The following ALDH9A1 variants were observed in gnomAD, a reference collection of about 807,000 sequenced individuals.
ALDH9A1 encodes the protein 4-trimethylaminobutyraldehyde dehydrogenase.
ALDH9A1 carries 42 observed loss-of-function variants against 56.6 expected under a neutral mutation model. The observed-to-expected ratio is 0.74, with a 90% CI of 0.58 to 0.96. The LOEUF is 0.96. Among genes scored for constraint, ALDH9A1 ranks in the 40% least tolerant of loss-of-function variants. The pLI is 0.00. For missense variants in ALDH9A1, 661 were observed against 651.5 expected, an observed-to-expected ratio of 1.01 and a Z score of -0.16; for synonymous variants, 242 against 236.0, an observed-to-expected ratio of 1.03 and a Z score of -0.23.
intron 2 of ALDH9A1, among the ~76,000 whole-genome samples, chr1:165,687,501 C>A (rs1040135250): frequency 2.6e-5 from 4 of 151,866 alleles, no homozygotes; most frequent in African/African-American, 9.7e-5. Context: ...ACATTACATA[C>A]AAAGATACAA....
chr1:165,679,432 AGGTACATACCT>A lies in ALDH9A1; in HGVS notation c.929_930+9del, dbSNP rs1421838133. Reference sequence around the variant, plus strand: ...TTCCTTTTACACCTCTTCCAGGGACAGGTACATACCTGGCCTTGTGTGAGGAAGTTGGCCAT... The same window carrying A: ...TTCCTTTTACACCTCTTCCAGGGACAGGCCTTGTGTGAGGAAGTTGGCCAT... On this transcript the variant is annotated splice_donor_variant and splice_donor_5th_base_variant and coding_sequence_variant and intron_variant, in exon 6 of 11. Coordinates refer to ENST00000354775, the MANE Select transcript of ALDH9A1 (RefSeq NM_000696.4). LOFTEE classifies it high-confidence loss of function. 1 of 1,613,958 alleles carries A rather than the reference AGGTACATACCT, an allele frequency of 6.2e-7. No individual in the cohort carries two copies. Among genetic ancestry groups the A allele is most frequent in the Admixed American group, 1.7e-5 (1 of 60,016 alleles).
intron 2 of ALDH9A1, among the ~76,000 whole-genome samples, chr1:165,690,624 C>T (rs4274037): frequency 0.12 from 18,642 of 152,160 alleles, 1,477 homozygotes; most frequent in Non-Finnish European, 0.17. Context: ...GAAGCCGTGA[C>T]AGATGGTACC....
chr1:165,675,731 T>C (rs61800420), intron 6 of ALDH9A1, among the ~76,000 whole-genome samples: 62,170 of 152,040 alleles, frequency 0.41, 12,998 homozygotes, highest in Middle Eastern at 0.51. Flanking sequence ...AACAAATGAA[T>C]CTGTTATTTT....
intron 5 of ALDH9A1, among the ~76,000 whole-genome samples, chr1:165,680,096 G>A (rs1287707053): frequency 2.0e-5 from 3 of 152,168 alleles, no homozygotes; most frequent in African/African-American, 7.2e-5. Context: ...CTGTGTTTAA[G>A]GCTGACAGAG....
At chr1:165,682,004 T>A in intron 4 of ALDH9A1, 103 bp downstream of exon 4, 1 of 1,476,204 alleles carries the variant, frequency 6.8e-7, no homozygotes, top group South Asian at 1.3e-5. Flanking sequence ...CCCCTTCCGA[T>A]TTAAAGTGTG....
chr1:165,683,173 C>A, intron 2 of ALDH9A1, 63 bp from the exon 3 acceptor site: 1 of 1,532,604 alleles, frequency 6.5e-7, no homozygotes. Context: ...GTAATTAATG[C>A]TTAAATAGAA....
rs1241126813 is a variant in ALDH9A1, at chr1:165,698,538, C to T, written c.21G>A (p.Leu7=). ...TGCGAAGAAGCGGGGAGAGCGCGGC[C>T]AGGCCTGCTCGGAGAAACATGAGTG... MFLRAG[L]AALSPLLRSL... The change falls in exon 1 of 11, where the codon CTG becomes CTA. Residue 7 remains leucine, a synonymous_variant. Transcript: ENST00000354775. 1 of 1,608,258 alleles carries T rather than the reference C, an allele frequency of 6.2e-7. No individual in the cohort carries two copies. The highest frequency in any genetic ancestry group is 1.1e-5 in the South Asian group (1 of 90,480).
intron 3 of ALDH9A1, 50 bp from the exon 4 acceptor site, chr1:165,682,291 A>G: frequency 1.3e-6 from 2 of 1,589,232 alleles, no homozygotes; most frequent in African/African-American, 1.3e-5. Context: ...GCTCCCCAAG[A>G]TTTCACCAAC....
In ALDH9A1 at chr1:165,698,469, G is replaced by A. The variant is rs2101763636; in HGVS notation, c.90C>T (p.Phe30=). 6.2e-7 allele frequency: 1 copy of A among 1,608,354 alleles called. No individual in the cohort carries two copies. The highest frequency in any genetic ancestry group is 2.2e-5 in the East Asian group (1 of 44,464). The change falls in exon 1 of 11, where the codon TTC becomes TTT. Residue 30 remains phenylalanine (F), a synonymous_variant. Coordinates refer to ENST00000354775, the MANE Select transcript of ALDH9A1 (RefSeq NM_000696.4). ...GGTAATTGAGCGGCTGCGACACGAC[G>A]AAGGTGCCAGTGCTCATGGCGGCGA... ...SPVAAMSTGT[F]VVSQPLNYRG...
chr1:165,690,251 C>T (rs955130509), intron 2 of ALDH9A1, among the ~76,000 whole-genome samples: 1 of 150,744 alleles, frequency 6.6e-6, no homozygotes, highest in Non-Finnish European at 1.5e-5. Flanking sequence ...TACACACACA[C>T]TCTTGAAAGC....
chr1:165,689,139 C>T (rs185078834), intron 2 of ALDH9A1, among the ~76,000 whole-genome samples: 6 of 152,258 alleles, frequency 3.9e-5, no homozygotes, highest in Admixed American at 3.9e-4. Context: ...AAATTATCTG[C>T]TTTGAGTTAT....
intron 6 of ALDH9A1, among the ~76,000 whole-genome samples, chr1:165,675,117 C>G (rs961715106): frequency 1.3e-5 from 2 of 152,122 alleles, no homozygotes; most frequent in African/African-American, 4.8e-5. Context: ...ATCGCTTGAG[C>G]TCCAGGGGCG....
At chr1:165,669,215 G>A (rs768745849) in intron 7 of ALDH9A1, 47 bp downstream of exon 7, 2 of 1,505,218 alleles carry the variant, frequency 1.3e-6, no homozygotes, top group African/African-American at 2.8e-5. Context: ...TGATTTAGGA[G>A]TAGTATAATC....
chr1:165,674,315 T>TAAAAAAAAAA (rs56088658), intron 6 of ALDH9A1, among the ~76,000 whole-genome samples: 1 of 58,056 alleles, frequency 1.7e-5, no homozygotes, highest in Non-Finnish European at 3.2e-5. Context: ...TTCCTTTCAC[T>TAAAAAAAAAA]AAAAAAAAAA....
At chr1:165,668,845 G>C (rs1307005600) in intron 8 of ALDH9A1, 81 bp downstream of exon 8, 4 of 1,166,806 alleles carry the variant, frequency 3.4e-6, no homozygotes, top group Non-Finnish European at 5.0e-6. Context: ...TTTATATCAT[G>C]TACATATTTT....
intron 6 of ALDH9A1, among the ~76,000 whole-genome samples, chr1:165,677,875 AAAAAT>A (rs1649416331): frequency 6.6e-6 from 1 of 151,746 alleles, no homozygotes; most frequent in Admixed American, 6.6e-5. Context: ...AAAAAAAAAA[AAAAAT>A]TAGCCAGCCG....
chr1:165,687,545 C>T (rs1478981279), intron 2 of ALDH9A1, among the ~76,000 whole-genome samples: 1 of 152,066 alleles, frequency 6.6e-6, no homozygotes, highest in Admixed American at 6.6e-5. Context: ...TCTTCTGAAA[C>T]AATACAAATC....
intron 1 of ALDH9A1, among the ~76,000 whole-genome samples, chr1:165,696,689 C>T (rs1341959019): frequency 6.6e-6 from 1 of 152,130 alleles, no homozygotes; most frequent in Non-Finnish European, 1.5e-5. Context: ...ACTGCCTCTA[C>T]CAACAAGAAT....
intron 2 of ALDH9A1, among the ~76,000 whole-genome samples, 167 bp from the exon 3 acceptor site, chr1:165,683,277 C>T (rs1649609806): frequency 6.7e-6 from 1 of 149,162 alleles, no homozygotes; most frequent in Non-Finnish European, 1.5e-5. Context: ...AGGCTTATAG[C>T]TGAACAGCAG....
Sources: allele counts gnomAD v4.1 joint callset (sites outside exome capture counted in the v4.1 genomes callset), GRCh38; gene constraint gnomAD v4.1.1; transcripts MANE v1.5; gene names NCBI Gene and HGNC (gene_info 2026-07-23, HGNC 2026-07-21).